Variants in BSDC1 observed in about 807,000 individuals in gnomAD.
BSDC1 encodes BSD domain-containing protein 1.
Under a neutral mutation model 56.0 loss-of-function variants are expected in BSDC1, and 29 were observed. The observed-to-expected ratio is 0.52, with a 90% CI of 0.39 to 0.71. The LOEUF is 0.71. BSDC1 is among the 30% of genes least tolerant of loss of function. The pLI, the probability that BSDC1 is intolerant of heterozygous loss-of-function variation, is 0.00. For missense variants in BSDC1, 477 were observed against 548.5 expected, an observed-to-expected ratio of 0.87 and a Z score of 1.30; for synonymous variants, 210 against 215.3, an observed-to-expected ratio of 0.98 and a Z score of 0.21.
In BSDC1 at chr1:32,381,220, G is replaced by A; in HGVS notation, c.406C>T (p.Pro136Ser). Residue 136 changes from proline (P) to serine (S), a missense_variant, in exon 5 of 11, where the codon CCA becomes TCA. By Grantham distance (74) the Pro-to-Ser change is moderately conservative (BLOSUM62 -1). Coordinates refer to ENST00000455895, the MANE Select transcript of BSDC1 (RefSeq NM_018045.8). ...CTCAGTGCTACCCTCTCACCATCTG[G>A]TTCATTACAGTAGGTTGCTGGGTCC... ...QSDPATYCNE[P>S]DGPPELFDAW... is the part of the protein sequence containing the mutation. The A allele has an allele frequency of 6.2e-7, 1 of 1,613,740 alleles. No individual in the cohort carries two copies.
intron 2 of BSDC1, among the ~76,000 whole-genome samples, chr1:32,388,534 A>G (rs1642749041): frequency 6.6e-6 from 1 of 152,106 alleles, no homozygotes; most frequent in South Asian, 2.1e-4. Context: ...TCCTTATGAC[A>G]CCCAGTGGGT....
In BSDC1 at chr1:32,378,055, G is replaced by C; in HGVS notation, c.598-7C>G. The C allele has an allele frequency of 1.9e-6, 3 of 1,606,746 alleles. No homozygotes were observed. Among genetic ancestry groups the C allele is most frequent in the Non-Finnish European group, 2.6e-6 (3 of 1,175,694 alleles). ...CGTCCCTCCGGGCCTGCTCCTGAAT[G>C]TGGGGGAGCAGAAGGCCACAGGCAG... On this transcript the variant is annotated splice_region_variant and splice_polypyrimidine_tract_variant and intron_variant, in intron 7 of 10. Transcript: ENST00000455895. This position sits in a 1 kb window ranked among gnomAD's most constrained non-coding sequence, Gnocchi z 5.2.
chr1:32,393,500 G>T (rs1642938039), intron 2 of BSDC1: 1 of 152,814 alleles, frequency 6.5e-6, no homozygotes, highest in South Asian at 2.0e-4. Context: ...GTGAGTTACT[G>T]ACTAACCAGA....
rs563633760 is a variant in BSDC1 at position 32,366,530 on chromosome 1, G to T, written c.*92C>A. ...GAGCTCTGGTTGGCAGAGGAGATTT[G>T]GGGGAACATTCTCAGTCTTCCAGGG... On this transcript the variant is annotated 3_prime_UTR_variant, in exon 11 of 11. Transcript: ENST00000455895. The T allele has an allele frequency of 1.6e-6, 2 of 1,229,088 alleles. No individual in the cohort carries two copies. The highest frequency in any genetic ancestry group is 1.5e-5 in the African/African-American group (1 of 66,846). The allele number at this position is 1,229,088 out of a possible 1,614,324, so 76.1% of individuals were successfully genotyped here.
At chr1:32,373,620 A>G (rs1269834196) in intron 9 of BSDC1, among the ~76,000 whole-genome samples, 1 of 152,048 alleles carries the variant, frequency 6.6e-6, no homozygotes, top group Admixed American at 6.6e-5. Flanking sequence ...CTCCCCACTC[A>G]GGTGATCCTC....
At position 32,378,584 on chromosome 1, in the gene BSDC1, G is replaced by A. The variant is rs557271564; in HGVS notation, c.528+140C>T. On this transcript the variant is annotated intron_variant, in intron 6 of 10. Transcript: ENST00000455895. This position sits in a 1 kb window ranked among gnomAD's most constrained non-coding sequence, Gnocchi z 5.2. The stretch of plus-strand genomic sequence containing the variant: ...TTCTCCCATGTGGGGTCTTGGCTCA[G>A]GACACAGCTGGTCTGGCTCTATGGA... 847 of 679,220 alleles carry A rather than the reference G, an allele frequency of 1.2e-3. 2 individuals carry two copies. The highest frequency in any genetic ancestry group is 1.8e-3 in the Non-Finnish European group (717 of 401,584). The allele number at this position is 679,220 out of a possible 1,614,324, so 42.1% of individuals were successfully genotyped here.
rs569122318 is a variant in BSDC1, at chr1:32,383,911, C to T, written c.276G>A (p.Ser92=). The T allele has an allele frequency of 3.2e-5, 51 of 1,612,524 alleles. No homozygotes were observed. The East Asian group carries it at 8.9e-4, about 28-fold the overall frequency. Residue 92 remains serine, a synonymous_variant, in exon 4 of 11, where the codon TCG becomes TCA. Coordinates refer to ENST00000455895, the MANE Select transcript of BSDC1 (RefSeq NM_018045.8). ...CATCGCAGTCGATGGTTTTGTCTGG[C>T]GAAGGGGCAAAGGTGTCTGAGATCA... ...LGVISDTFAP[S]PDKTIDCDVI... is the part of the protein sequence containing the mutation.
intron 10 of BSDC1, 85 bp downstream of exon 10, chr1:32,368,362 G>C (rs1187324979): frequency 6.2e-6 from 10 of 1,614,014 alleles, no homozygotes; most frequent in Non-Finnish European, 8.5e-6. Flanking sequence ...GGACCCTCCT[G>C]AGGGGACAGC....
intron 3 of BSDC1, 190 bp from the exon 4 acceptor site, chr1:32,384,187 G>T: frequency 1.5e-6 from 1 of 676,932 alleles, no homozygotes; most frequent in Non-Finnish European, 2.5e-6. Context: ...AAGTGGGGCT[G>T]CAGAACAGGG....
intron 2 of BSDC1, among the ~76,000 whole-genome samples, chr1:32,392,212 A>C (rs992369259): frequency 6.6e-6 from 1 of 152,136 alleles, no homozygotes; most frequent in Non-Finnish European, 1.5e-5. Flanking sequence ...CATGCCTGTA[A>C]TCCCAGCTAC....
chr1:32,382,473 A>C (rs978264027), intron 4 of BSDC1, among the ~76,000 whole-genome samples: 2 of 151,080 alleles, frequency 1.3e-5, no homozygotes, highest in Admixed American at 6.6e-5. Context: ...CAAAAAAAAA[A>C]CAAAAAACAA....
At chr1:32,376,211 G>A (rs1215791511) in intron 9 of BSDC1, 51 bp downstream of exon 9, 2 of 1,397,126 alleles carry the variant, frequency 1.4e-6, no homozygotes, top group African/African-American at 2.8e-5. Context: ...TCTGCCTCAG[G>A]AGGTGGCCCT....
Position 32,386,822 on chromosome 1 carries a change from C to T in BSDC1, c.146G>A (p.Cys49Tyr). 6.2e-7 allele frequency: 1 copy of T among 1,612,570 alleles called. No individual in the cohort carries two copies. The highest frequency in any genetic ancestry group is 8.5e-7 in the Non-Finnish European group (1 of 1,180,022). Reference sequence around the variant, plus strand: ...CACGCTGGCCGTGGCTGCGATGGTACAGGCCGTGTCATGCTGCACCACCTG... The same window carrying T: ...CACGCTGGCCGTGGCTGCGATGGTATAGGCCGTGTCATGCTGCACCACCTG... ...FTQVVQHDTA[C>Y]TIAATASVVK... Residue 49 changes from cysteine to tyrosine, a missense_variant, in exon 3 of 11, where the codon TGT becomes TAT. By Grantham distance (194) the Cys-to-Tyr change is radical (BLOSUM62 -2). Transcript: ENST00000455895.
chr1:32,378,956 C>A lies in BSDC1; in HGVS notation c.413-117G>T. 1.4e-6 allele frequency: 1 copy of A among 690,450 alleles called. No individual in the cohort carries two copies. Among genetic ancestry groups the A allele is most frequent in the Non-Finnish European group, 2.2e-6 (1 of 458,488 alleles). The allele number at this position is 690,450 out of a possible 1,614,324, so 42.8% of individuals were successfully genotyped here. ...TGAAGAAAGCTTGTGTATTCAAAGC[C>A]ACTTAGCCAAGGGTAGGGGGTCAGG... On this transcript the variant is annotated intron_variant, in intron 5 of 10. Coordinates refer to ENST00000455895, the MANE Select transcript of BSDC1 (RefSeq NM_018045.8). The surrounding 1 kb of genome is among the most constrained non-coding windows in gnomAD (Gnocchi z 5.2).
chr1:32,390,184 G>A (rs1642818603), intron 2 of BSDC1, among the ~76,000 whole-genome samples: 1 of 152,186 alleles, frequency 6.6e-6, no homozygotes, highest in South Asian at 2.1e-4. Context: ...GGTGGGACAT[G>A]AGATTTGCCT....
At position 32,365,232 on chromosome 1, in the gene BSDC1, CTTTTTTCT is replaced by C. The variant is rs375400289; in HGVS notation, c.*1382_*1389del. 6.6e-6 allele frequency: 1 copy of C among 151,278 alleles called. No individual in the cohort carries two copies. Among genetic ancestry groups the C allele is most frequent in the African/African-American group, 2.4e-5 (1 of 41,134 alleles). The allele number at this position is 151,278 out of a possible 1,614,324, so 9.4% of individuals were successfully genotyped here. On this transcript the variant is annotated 3_prime_UTR_variant, in exon 11 of 11. Coordinates refer to ENST00000455895, the MANE Select transcript of BSDC1 (RefSeq NM_018045.8). ...GTTAGAATCTTTTTTTCTTTTTTTC[CTTTTTTCT>C]TTTCCCAGCTACAAAATACTCTGGG... is the stretch of plus-strand genomic sequence containing the variant.
intron 9 of BSDC1, among the ~76,000 whole-genome samples, chr1:32,375,994 A>G (rs528149936): frequency 6.6e-6 from 1 of 152,336 alleles, no homozygotes; most frequent in South Asian, 2.1e-4. Context: ...TAGGTGCCAT[A>G]TAACATATTT....
Position 32,389,784 on chromosome 1 carries a change from C to CCACA in BSDC1, c.73-2893_73-2890dup, listed in dbSNP as rs58560406. The stretch of plus-strand genomic sequence containing the variant: ...TTTGGACACTATGGCAAAACCGTCT[C>CCACA]CACACACACACACACACACACACAC... On this transcript the variant is annotated intron_variant, in intron 2 of 10. Transcript: ENST00000455895. 5.2e-3 allele frequency among the ~76,000 whole-genome samples: 765 copies of CCACA among 146,080 alleles called. 9 individuals carry two copies. Among genetic ancestry groups the CCACA allele is most frequent in the African/African-American group, 0.015 (593 of 39,890 alleles).
intron 10 of BSDC1, 35 bp from the exon 11 acceptor site, chr1:32,366,689 A>G (rs1324272728): frequency 6.9e-7 from 1 of 1,456,268 alleles, no homozygotes; most frequent in Non-Finnish European, 9.1e-7. Flanking sequence ...AATCACAAAC[A>G]CATAGTTACT....
Sources: gnomAD v4.1 joint callset for allele counts (sites outside exome capture counted in the v4.1 genomes callset) on GRCh38, gnomAD v4.1.1 for gene constraint, Gnocchi (gnomAD v3.1) non-coding constraint, MANE v1.5 for transcripts, NCBI Gene and HGNC (gene_info 2026-07-23, HGNC 2026-07-21) for gene names.